The following ERI3 variants were observed in gnomAD, a reference collection of about 807,000 sequenced individuals.
ERI3 encodes the protein ERI1 exoribonuclease 3.
In ERI3, 18 loss-of-function variants were observed where a neutral mutation model predicts 44.4. The observed-to-expected ratio is 0.41, with a 90% CI of 0.28 to 0.60. The LOEUF is 0.60. ERI3 is among the 20% of genes least tolerant of loss of function. The pLI is 0.36. For missense variants in ERI3, 294 were observed against 435.5 expected (o/e 0.68, Z 2.89); for synonymous variants, 183 against 164.8 (o/e 1.11, Z -0.84).
chr1:44,345,751 T>A (rs1646771040), intron 2 of ERI3, among the ~76,000 whole-genome samples: 1 of 152,192 alleles, frequency 6.6e-6, no homozygotes, highest in Non-Finnish European at 1.5e-5. Flanking sequence ...CAGAGCACTC[T>A]CTGTGTGAAA....
At chr1:44,341,047 T>C (rs1340723011) in intron 2 of ERI3, among the ~76,000 whole-genome samples, 2 of 152,220 alleles carry the variant, frequency 1.3e-5, no homozygotes, top group Non-Finnish European at 2.9e-5. Flanking sequence ...TAAAAAAGTG[T>C]AAAGACTTCT....
At chr1:44,349,482 C>T (rs1229124049) in intron 2 of ERI3, among the ~76,000 whole-genome samples, 2 of 152,140 alleles carry the variant, frequency 1.3e-5, no homozygotes, top group East Asian at 1.9e-4. Flanking sequence ...TCTAAATGAA[C>T]ACCCATTGTC....
At position 44,291,747 on chromosome 1, in the gene ERI3, A is replaced by G. The variant is rs562079291; in HGVS notation, c.759-6840T>C. ...CACACTGCTGCGCCTGAAACTGAGG[A>G]TGCCATTGGCAGCACTGATGGCACT... is the stretch of plus-strand genomic sequence containing the variant. On this transcript the variant is annotated intron_variant, in intron 6 of 8. Coordinates refer to ENST00000372257, the MANE Select transcript of ERI3 (RefSeq NM_024066.3). Among the ~76,000 whole-genome samples, 10 of 152,328 alleles carry G rather than the reference A, an allele frequency of 6.6e-5. No individual in the cohort carries two copies. In the East Asian group the frequency reaches 1.9e-3, roughly 29 times the overall value.
At chr1:44,299,878 T>C (rs1469839298) in intron 6 of ERI3, among the ~76,000 whole-genome samples, 2 of 151,962 alleles carry the variant, frequency 1.3e-5, no homozygotes, top group Non-Finnish European at 2.9e-5. Context: ...GTCTGTTGGA[T>C]TCCGCCACAG....
At chr1:44,298,033 G>A (rs938319230) in intron 6 of ERI3, among the ~76,000 whole-genome samples, 2 of 152,244 alleles carry the variant, frequency 1.3e-5, no homozygotes, top group Non-Finnish European at 2.9e-5. Flanking sequence ...AATCCCAAAG[G>A]ACAGAAGAGC....
chr1:44,353,344 A>G (rs1646935281), intron 1 of ERI3: 25 of 985,458 alleles, frequency 2.5e-5, no homozygotes, highest in Non-Finnish European at 2.9e-5. Context: ...AAATGGCCAC[A>G]TAGACTAGGA....
At chr1:44,263,214 G>C (rs188735369) in intron 7 of ERI3, among the ~76,000 whole-genome samples, 4 of 152,330 alleles carry the variant, frequency 2.6e-5, no homozygotes, top group Middle Eastern at 6.8e-3. Flanking sequence ...GGAAAAGGGA[G>C]GGGGAAGAAT....
At chr1:44,276,187 G>A (rs74505132) in intron 7 of ERI3, among the ~76,000 whole-genome samples, 31 of 152,332 alleles carry the variant, frequency 2.0e-4, no homozygotes, top group African/African-American at 7.5e-4. Context: ...TCACAATGCA[G>A]ACACCTCCCA....
intron 3 of ERI3, among the ~76,000 whole-genome samples, chr1:44,332,915 C>T (rs1291855556): frequency 6.6e-6 from 1 of 152,232 alleles, no homozygotes; most frequent in Admixed American, 6.5e-5. Context: ...CCCATTCCCA[C>T]CATCACTGGC....
At chr1:44,347,879 T>TTGTGTGTGTGTGTG (rs113526509) in intron 2 of ERI3, among the ~76,000 whole-genome samples, 1 of 148,786 alleles carries the variant, frequency 6.7e-6, no homozygotes, top group Admixed American at 6.7e-5. Flanking sequence ...GATTGTTTTG[T>TTGTGTGTGTGTGTG]TGTGTGTGTG....
intron 8 of ERI3, among the ~76,000 whole-genome samples, chr1:44,234,940 G>C (rs1644270246): frequency 6.6e-6 from 1 of 152,072 alleles, no homozygotes; most frequent in Non-Finnish European, 1.5e-5. Context: ...CAGTACCAAT[G>C]TTAATTTTCT....
At chr1:44,343,943 TGTTTTTTAAAATCAGCTG>T (rs1646734801) in intron 2 of ERI3, among the ~76,000 whole-genome samples, 1 of 152,116 alleles carries the variant, frequency 6.6e-6, no homozygotes, top group Non-Finnish European at 1.5e-5. Context: ...TTTTTAAAAT[TGTTTTTTAAAATCAGCTG>T]GGTGGGGTGG....
chr1:44,255,036 A>G (rs2154318996), intron 7 of ERI3, among the ~76,000 whole-genome samples: 1 of 152,280 alleles, frequency 6.6e-6, no homozygotes, highest in Middle Eastern at 3.4e-3. Flanking sequence ...GGGGGTTATA[A>G]TAGTTTCTAC....
intron 8 of ERI3, among the ~76,000 whole-genome samples, chr1:44,240,448 G>A (rs1293547467): frequency 6.6e-6 from 1 of 152,160 alleles, no homozygotes; most frequent in Non-Finnish European, 1.5e-5. Context: ...TCGCGTGTCT[G>A]CAGCTGGTGG....
intron 8 of ERI3, among the ~76,000 whole-genome samples, chr1:44,222,254 G>A (rs941505777): frequency 6.6e-6 from 1 of 152,236 alleles, no homozygotes; most frequent in Non-Finnish European, 1.5e-5. Flanking sequence ...ACAGCAGCTT[G>A]CCTGGGCACC....
At chr1:44,274,214 C>A (rs1032991568) in intron 7 of ERI3, among the ~76,000 whole-genome samples, 5 of 152,176 alleles carry the variant, frequency 3.3e-5, no homozygotes, top group South Asian at 2.1e-4. Flanking sequence ...ATCCTTCATG[C>A]ATATATTATC....
chr1:44,328,782 T>G (rs1480165369), intron 3 of ERI3, among the ~76,000 whole-genome samples: 3 of 152,180 alleles, frequency 2.0e-5, no homozygotes, highest in African/African-American at 7.2e-5. Flanking sequence ...CAAATGAGAA[T>G]CAGAGCCCAT....
chr1:44,267,206 A>T (rs1238118597), intron 7 of ERI3, among the ~76,000 whole-genome samples: 3 of 152,214 alleles, frequency 2.0e-5, no homozygotes, highest in Non-Finnish European at 4.4e-5. Context: ...TACTTAGGTA[A>T]GGTGGAAACA....
At chr1:44,246,236 C>T (rs1162898080) in intron 8 of ERI3, among the ~76,000 whole-genome samples, 1 of 152,210 alleles carries the variant, frequency 6.6e-6, no homozygotes, top group East Asian at 1.9e-4. Flanking sequence ...TTGTCCTCAA[C>T]ACACTGGGTT....
Sources: gnomAD v4.1 joint callset for allele counts (sites outside exome capture counted in the v4.1 genomes callset) on GRCh38, gnomAD v4.1.1 for gene constraint, MANE v1.5 for transcripts, NCBI Gene and HGNC (gene_info 2026-07-23, HGNC 2026-07-21) for gene names.